FER1L5: variants seen among roughly 807,000 people sequenced by gnomAD.
FER1L5 encodes the protein fer-1 like family member 5, also known as fer-1-like protein 5.
Under a neutral mutation model 279.9 loss-of-function variants are expected in FER1L5, and 187 were observed. The observed-to-expected ratio is 0.67, with a 90% CI of 0.59 to 0.75. FER1L5 has a LOEUF of 0.75. Among genes scored for constraint, FER1L5 ranks in the 30% least tolerant of loss-of-function variants. The probability of loss-of-function intolerance (pLI) is 0.00; values close to 1 mark genes in which losing one functional copy is unlikely to be tolerated. For missense variants in FER1L5, 2,091 were observed against 2,594.4 expected (o/e 0.81, Z 4.21); for synonymous variants, 921 against 989.7 (o/e 0.93, Z 1.30).
intron 37 of FER1L5, among the ~76,000 whole-genome samples, chr2:96,696,542 C>A (rs1056845287): frequency 6.6e-6 from 1 of 152,102 alleles, no homozygotes; most frequent in African/African-American, 2.4e-5. Context: ...GATGCACCCG[C>A]CTCGGCCTCC....
chr2:96,697,821 G>C, intron 39 of FER1L5, 60 bp downstream of exon 39: 1 of 1,582,038 alleles, frequency 6.3e-7, no homozygotes, highest in East Asian at 2.3e-5. Flanking sequence ...GGCCAGCAGA[G>C]CTAGCCTTGA....
At chr2:96,684,485 C>T (rs748820609) in intron 20 of FER1L5, 34 bp downstream of exon 20, 4 of 1,543,872 alleles carry the variant, frequency 2.6e-6, no homozygotes, top group Non-Finnish European at 3.5e-6. Flanking sequence ...TGGGAAGACA[C>T]CTGTTTCAGA....
chr2:96,691,608 C>T lies in FER1L5; in HGVS notation c.3071C>T (p.Ser1024Phe). Residue 1024 changes from serine (S) to phenylalanine (F), a missense_variant, in exon 29 of 53, where the codon TCC becomes TTC. Coordinates refer to ENST00000624922, the MANE Select transcript of FER1L5 (RefSeq NM_001293083.2). This position sits in a 1 kb window ranked among gnomAD's most constrained non-coding sequence, Gnocchi z 6.0. ...GCGCCCATATTCCTCCTGGAGGGGT[C>T]CTTGGTAAAGCCTCACAGGCTGGGT... ...GIAPIFLLEG[S>F]LAMDLKYHAG... 1 of 1,522,220 alleles carries T rather than the reference C, an allele frequency of 6.6e-7. No homozygotes were observed. Among genetic ancestry groups the T allele is most frequent in the Non-Finnish European group, 8.8e-7 (1 of 1,132,162 alleles). 94.3% of individuals were successfully genotyped at this position (1,522,220 alleles called of 1,614,324 possible).
At chr2:96,693,307 T>G (rs1573946213) in intron 31 of FER1L5, among the ~76,000 whole-genome samples, 199 bp from the exon 32 acceptor site, 1 of 152,062 alleles carries the variant, frequency 6.6e-6, no homozygotes, top group Non-Finnish European at 1.5e-5. Context: ...AACTCGTGGA[T>G]GGGACCAGAT....
At position 96,697,975 on chromosome 2, in the gene FER1L5, T is replaced by C. The variant is rs1485542790; in HGVS notation, c.4237-62T>C. On this transcript the variant is annotated intron_variant, in intron 39 of 52. Transcript: ENST00000624922. ...TGGAGTGAGACCTGGGAGCTGGTGG[T>C]CCCTCCATCTCCTAATCACGGGAAC... is the stretch of plus-strand genomic sequence containing the variant. 3.9e-6 allele frequency: 6 copies of C among 1,520,772 alleles called. No homozygotes were observed. The East Asian group carries it at 7.4e-5, about 19-fold the overall frequency. The allele number at this position is 1,520,772 out of a possible 1,614,324, so 94.2% of individuals were successfully genotyped here.
intron 10 of FER1L5, among the ~76,000 whole-genome samples, chr2:96,660,576 A>G (rs1366653507): frequency 6.6e-6 from 1 of 152,084 alleles, no homozygotes; most frequent in Non-Finnish European, 1.5e-5. Flanking sequence ...ATTTTTTGAG[A>G]TGGAGTCTCA....
intron 45 of FER1L5, among the ~76,000 whole-genome samples, chr2:96,701,717 C>A (rs2077591723): frequency 6.6e-6 from 1 of 152,138 alleles, no homozygotes; most frequent in South Asian, 2.1e-4. Flanking sequence ...ATCCCAGCAC[C>A]ATGCCATCAG....
intron 9 of FER1L5, among the ~76,000 whole-genome samples, chr2:96,659,300 T>TCCTTCCTG (rs2075742066): frequency 3.3e-5 from 1 of 30,200 alleles, no homozygotes; most frequent in African/African-American, 1.0e-4. Context: ...TTTCCTTCCT[T>TCCTTCCTG]CCTTCCTTCC....
Position 96,661,368 on chromosome 2 carries a change from T to C in FER1L5, c.822T>C (p.Asn274=). Residue 274 remains asparagine, a synonymous_variant, in exon 11 of 53, where the codon AAT becomes AAC. Coordinates refer to ENST00000624922, the MANE Select transcript of FER1L5 (RefSeq NM_001293083.2). ...AATGGCTAGGCCTCTGCCAGCCAAATAACCCTGGCAGTGGTGTGACAGGCT... is the reference window on the plus strand; with the variant it reads ...AATGGCTAGGCCTCTGCCAGCCAAACAACCCTGGCAGTGGTGTGACAGGCT... The part of the protein sequence containing the change: ...LRKWLGLCQP[N]NPGSGVTGYL... The C allele has an allele frequency of 6.4e-7, 1 of 1,551,570 alleles. No individual in the cohort carries two copies. Among genetic ancestry groups the C allele is most frequent in the Non-Finnish European group, 8.7e-7 (1 of 1,146,946 alleles).
At chr2:96,671,463 A>G (rs1459312621) in intron 18 of FER1L5, among the ~76,000 whole-genome samples, 1 of 152,224 alleles carries the variant, frequency 6.6e-6, no homozygotes, top group East Asian at 1.9e-4. Context: ...ATTTTCTGCC[A>G]TGGGTGACGA....
chr2:96,647,085 A>G lies in FER1L5; in HGVS notation c.160A>G (p.Asn54Asp), dbSNP rs1558833797. Reference protein sequence around the residue: ...WNETLIWHLWNRPLENDSFLQ... With the variant: ...WNETLIWHLWDRPLENDSFLQ... ...ACAGACCCTAATCTGGCACCTCTGGAACCGCCCCCTGGAAAATGACTCCTT... is the reference window on the plus strand; with the variant it reads ...ACAGACCCTAATCTGGCACCTCTGGGACCGCCCCCTGGAAAATGACTCCTT... Residue 54 changes from asparagine to aspartate, a missense_variant, in exon 3 of 53, where the codon AAC becomes GAC. By Grantham distance (23) the Asn-to-Asp change is conservative (BLOSUM62 1). Transcript: ENST00000624922. 6.4e-7 allele frequency: 1 copy of G among 1,551,652 alleles called. No homozygotes were observed. The highest frequency in any genetic ancestry group is 8.7e-7 in the Non-Finnish European group (1 of 1,146,990).
At chr2:96,645,818 AAAT>A in intron 1 of FER1L5, among the ~76,000 whole-genome samples, 1 of 152,200 alleles carries the variant, frequency 6.6e-6, no homozygotes. Context: ...AGTAAAGAAA[AAAT>A]AAAAAGAGAA....
At position 96,699,116 on chromosome 2, in the gene FER1L5, T is replaced by A. The variant is rs1410710155; in HGVS notation, c.4590T>A (p.Thr1530=). The A allele has an allele frequency of 6.2e-7, 1 of 1,609,906 alleles. No individual in the cohort carries two copies. Among genetic ancestry groups the A allele is most frequent in the East Asian group, 2.2e-5 (1 of 44,752 alleles). The part of the protein sequence containing the change: ...LGNRDMYQPN[T]LDPIFGMMFE... ...ACCGGGACATGTACCAGCCCAACAC[T>A]CTGGATCCCATCTTTGGCATGTGAG... The change falls in exon 42 of 53, where the codon ACT becomes ACA. Residue 1530 remains threonine (T), a synonymous_variant. Coordinates refer to ENST00000624922, the MANE Select transcript of FER1L5 (RefSeq NM_001293083.2).
At position 96,697,574 on chromosome 2, in the gene FER1L5, G is replaced by GTAA. The variant is rs1199100368; in HGVS notation, c.4132_4133insTAA (p.Glu1378delinsValLys). 1 of 1,613,712 alleles carries GTAA rather than the reference G, an allele frequency of 6.2e-7. No individual in the cohort carries two copies. Among genetic ancestry groups the GTAA allele is most frequent in the African/African-American group, 1.3e-5 (1 of 74,934 alleles). On this transcript the variant is annotated protein_altering_variant and splice_region_variant, in exon 38 of 53. Coordinates refer to ENST00000624922, the MANE Select transcript of FER1L5 (RefSeq NM_001293083.2). ...GTTCTGGTTCAAGTCCAGTAAAGCA[G>GTAA]AGGTGATGAAGGCTCAGCCCCATTC...
Position 96,700,453 on chromosome 2 carries a change from C to T in FER1L5, c.5052C>T (p.Ser1684=). Residue 1684 remains serine (S), a synonymous_variant, in exon 45 of 53, where the codon AGC becomes AGT. Transcript: ENST00000624922. ...AGACCCGCACACTGTACAGCCACAG[C>T]CAGCCAGGCATCGACCAGGTATGAG... ...HVETRTLYSH[S]QPGIDQGKVQ... is the part of the protein sequence containing the mutation. The T allele has an allele frequency of 1.9e-6, 3 of 1,613,580 alleles. No individual in the cohort carries two copies. The highest frequency in any genetic ancestry group is 2.5e-6 in the Non-Finnish European group (3 of 1,179,886).
chr2:96,662,267 G>A lies in FER1L5; in HGVS notation c.1071G>A (p.Lys357=), dbSNP rs1198905568. The A allele has an allele frequency of 1.9e-6, 3 of 1,551,370 alleles. No homozygotes were observed. The highest frequency in any genetic ancestry group is 2.6e-6 in the Non-Finnish European group (3 of 1,146,870). Residue 357 remains lysine (K), a splice_region_variant and synonymous_variant, in exon 13 of 53, where the codon AAG becomes AAA. Transcript: ENST00000624922. The stretch of plus-strand genomic sequence containing the variant: ...TGGAGGTGGAACTAATTGGGGAAAA[G>A]GTAAGTGTAGAAATATTCTGAGACC... ...PQLEVELIGE[K]LRTHMQTQTD...
At chr2:96,658,383 C>A (rs2075685511) in intron 9 of FER1L5, among the ~76,000 whole-genome samples, 1 of 149,090 alleles carries the variant, frequency 6.7e-6, no homozygotes, top group South Asian at 2.1e-4. Context: ...GTGGCGCGAT[C>A]TCAGCTCACT....
intron 43 of FER1L5, 88 bp downstream of exon 43, chr2:96,699,808 C>T (rs748408848): frequency 2.5e-5 from 40 of 1,579,274 alleles, no homozygotes; most frequent in African/African-American, 5.4e-5. Flanking sequence ...GCATCCTGGG[C>T]GGGAACCAGG....
At position 96,647,869 on chromosome 2, in the gene FER1L5, T is replaced by C. The variant is rs747610167; in HGVS notation, c.322T>C (p.Ser108Pro). The change falls in exon 4 of 53, where the codon TCC (serine) becomes CCC (proline). Residue 108 changes from serine to proline, a missense_variant. Ser to Pro is a moderately conservative substitution (Grantham distance 74). Coordinates refer to ENST00000624922, the MANE Select transcript of FER1L5 (RefSeq NM_001293083.2). Reference protein sequence around the residue: ...FVKDLTLLNHSMKPTDCTVTL... With the variant: ...FVKDLTLLNHPMKPTDCTVTL... Reference sequence around the variant, plus strand: ...GAAGGACTTGACCCTGCTCAACCATTCCATGAAGCCCACAGATGTGAGTCA... The same window carrying C: ...GAAGGACTTGACCCTGCTCAACCATCCCATGAAGCCCACAGATGTGAGTCA... 1 of 1,551,732 alleles carries C rather than the reference T, an allele frequency of 6.4e-7. No individual in the cohort carries two copies. The highest frequency in any genetic ancestry group is 1.2e-5 in the South Asian group (1 of 84,060).
Sources: allele counts gnomAD v4.1 joint callset (sites outside exome capture counted in the v4.1 genomes callset), GRCh38; gene constraint gnomAD v4.1.1; non-coding constraint Gnocchi (gnomAD v3.1); transcripts MANE v1.5; gene names NCBI Gene and HGNC (gene_info 2026-07-23, HGNC 2026-07-21).